Variants in KIAA1328 observed in about 807,000 individuals in gnomAD.
KIAA1328 encodes the protein KIAA1328.
A neutral mutation model predicts 68.1 loss-of-function variants in KIAA1328; 52 were observed. The ratio of observed to expected loss-of-function variants is 0.76; its 90% CI spans 0.61 to 0.96. The LOEUF is 0.96. KIAA1328 is among the 40% of genes least tolerant of loss of function. The pLI, the probability that KIAA1328 is intolerant of heterozygous loss-of-function variation, is 0.00. For synonymous variants in KIAA1328, 232 were observed against 239.4 expected (o/e 0.97, Z 0.28); for missense variants, 641 against 677.6 (o/e 0.95, Z 0.60).
chr18:36,945,546 A>G (rs2050869549), intron 5 of KIAA1328, among the ~76,000 whole-genome samples: 1 of 151,750 alleles, frequency 6.6e-6, no homozygotes, highest in South Asian at 2.1e-4. Flanking sequence ...TTGTATAAGA[A>G]CTCTCCTTTT....
At chr18:37,216,969 CT>C (rs1268734776) in intron 9 of KIAA1328, among the ~76,000 whole-genome samples, 168 of 112,320 alleles carry the variant, frequency 1.5e-3, no homozygotes, top group Non-Finnish European at 2.0e-3. Flanking sequence ...GCAACCCCTG[CT>C]TTTTTTTTGT....
intron 7 of KIAA1328, among the ~76,000 whole-genome samples, chr18:37,153,200 C>T (rs753976697): frequency 6.6e-5 from 10 of 152,126 alleles, no homozygotes; most frequent in Non-Finnish European, 1.2e-4. Flanking sequence ...CATTTAACCA[C>T]GGAACCAGAA....
intron 7 of KIAA1328, among the ~76,000 whole-genome samples, chr18:37,116,320 C>A (rs988054784): frequency 6.6e-6 from 1 of 152,088 alleles, no homozygotes; most frequent in Admixed American, 6.5e-5. Flanking sequence ...GAGATACAGA[C>A]CAATGGAACA....
At chr18:36,839,861 A>G (rs928890954) in intron 3 of KIAA1328, among the ~76,000 whole-genome samples, 1 of 152,126 alleles carries the variant, frequency 6.6e-6, no homozygotes, top group Non-Finnish European at 1.5e-5. Context: ...CTGTTCTCCT[A>G]TGCTGTATTA....
At chr18:36,989,718 G>A (rs2053093038) in intron 6 of KIAA1328, among the ~76,000 whole-genome samples, 1 of 151,558 alleles carries the variant, frequency 6.6e-6, no homozygotes, top group South Asian at 2.1e-4. Context: ...TTTTTGAGAC[G>A]GAGTCTAGCT....
At chr18:36,912,755 G>A (rs947346538) in intron 5 of KIAA1328, among the ~76,000 whole-genome samples, 17 of 152,180 alleles carry the variant, frequency 1.1e-4, no homozygotes, top group East Asian at 3.9e-4. Flanking sequence ...GTTTCGAACC[G>A]TATGAACTCA....
chr18:37,190,070 G>A (rs538434906), intron 9 of KIAA1328, among the ~76,000 whole-genome samples: 3 of 152,060 alleles, frequency 2.0e-5, no homozygotes, highest in Non-Finnish European at 2.9e-5. Flanking sequence ...CCTTATGTTC[G>A]CCATTCTATG....
chr18:36,873,668 C>T (rs1390771621), intron 4 of KIAA1328, among the ~76,000 whole-genome samples: 1 of 151,952 alleles, frequency 6.6e-6, no homozygotes, highest in Non-Finnish European at 1.5e-5. Flanking sequence ...TGTAGATTCC[C>T]CAATTTTTAA....
At position 37,041,068 on chromosome 18, in the gene KIAA1328, T is replaced by A. The variant is rs570767561; in HGVS notation, c.577-25822T>A. On this transcript the variant is annotated intron_variant, in intron 6 of 9. Coordinates refer to ENST00000280020, the MANE Select transcript of KIAA1328 (RefSeq NM_020776.3). ...ATCTATAGATAACAGTTCAGTCAAGTTGATTAGTAGTATTGTTCAAATCTT... is the reference window on the plus strand; with the variant it reads ...ATCTATAGATAACAGTTCAGTCAAGATGATTAGTAGTATTGTTCAAATCTT... Among the ~76,000 whole-genome samples the A allele has an allele frequency of 1.0e-3, 156 of 152,126 alleles. 2 individuals are homozygous for A. The highest frequency in any genetic ancestry group is 3.7e-3 in the African/African-American group (154 of 41,584).
Position 36,829,137 on chromosome 18 carries a change from A to T in KIAA1328, c.-2A>T. 18 of 1,534,224 alleles carry T rather than the reference A, an allele frequency of 1.2e-5. No homozygotes were observed. Among genetic ancestry groups the T allele is most frequent in the Non-Finnish European group, 1.6e-5 (18 of 1,142,268 alleles). ...GACGCCCCGAGTGGCGGTTGTTTCAAGATGGCGGACGTGGCGGGCCCCTCC... is the reference window on the plus strand; with the variant it reads ...GACGCCCCGAGTGGCGGTTGTTTCATGATGGCGGACGTGGCGGGCCCCTCC... On this transcript the variant is annotated 5_prime_UTR_variant, in exon 1 of 10. The change creates a new upstream start codon in the 5' untranslated region. Transcript: ENST00000280020.
At chr18:36,859,848 T>G (rs966988814) in intron 4 of KIAA1328, among the ~76,000 whole-genome samples, 1 of 151,892 alleles carries the variant, frequency 6.6e-6, no homozygotes, top group Non-Finnish European at 1.5e-5. Context: ...GTCCATTTTT[T>G]TTTTTACAGG....
rs913346021 is a variant in KIAA1328, at chr18:37,000,202, T to C, written c.576+40767T>C. Among the ~76,000 whole-genome samples, 3 of 151,866 alleles carry C rather than the reference T, an allele frequency of 2.0e-5. No individual in the cohort carries two copies. In the East Asian group the frequency reaches 5.8e-4, roughly 29 times the overall value. ...AACAGAAACCAAAAGTGAGCAGGAG[T>C]GGCTATACTTGTATCAGATAAAACA... is the stretch of plus-strand genomic sequence containing the variant. On this transcript the variant is annotated intron_variant, in intron 6 of 9. Transcript: ENST00000280020.
At position 36,948,255 on chromosome 18, in the gene KIAA1328, TC is replaced by T. The variant is rs1437128119; in HGVS notation, c.449-11052del. Among the ~76,000 whole-genome samples, 707 of 147,520 alleles carry T rather than the reference TC, an allele frequency of 4.8e-3. 2 individuals are homozygous for T. Among genetic ancestry groups the T allele is most frequent in the Non-Finnish European group, 7.4e-3 (495 of 66,852 alleles). The stretch of plus-strand genomic sequence containing the variant: ...AATGACATGACTTTTTGTTTGTTTG[TC>T]TTTTGTTTTTTTTTTTTTTTTTTTG... On this transcript the variant is annotated intron_variant, in intron 5 of 9. Coordinates refer to ENST00000280020, the MANE Select transcript of KIAA1328 (RefSeq NM_020776.3).
chr18:37,004,434 AAAGTGGGCT>A (rs924419846), intron 6 of KIAA1328, among the ~76,000 whole-genome samples: 14 of 152,148 alleles, frequency 9.2e-5, no homozygotes, highest in African/African-American at 2.2e-4. Flanking sequence ...ATCTCATCAT[AAAGTGGGCT>A]AAGGACATGA....
intron 5 of KIAA1328, among the ~76,000 whole-genome samples, chr18:36,887,763 C>G (rs1414950438): frequency 6.6e-6 from 1 of 152,170 alleles, no homozygotes; most frequent in Non-Finnish European, 1.5e-5. Context: ...GCCCCCAACT[C>G]TGGTAGCAGA....
chr18:37,144,777 G>A (rs2058857678), intron 7 of KIAA1328, among the ~76,000 whole-genome samples: 1 of 152,004 alleles, frequency 6.6e-6, no homozygotes, highest in Non-Finnish European at 1.5e-5. Context: ...TTATCCTCCT[G>A]TCTCCACATC....
At chr18:36,905,963 C>T in intron 5 of KIAA1328, among the ~76,000 whole-genome samples, 1 of 152,144 alleles carries the variant, frequency 6.6e-6, no homozygotes, top group Non-Finnish European at 1.5e-5. Context: ...TGCTCAGTGC[C>T]AGTATAGGTT....
At chr18:37,075,745 C>T (rs1437663946) in intron 7 of KIAA1328, 2 of 152,184 alleles carry the variant, frequency 1.3e-5, no homozygotes, top group Non-Finnish European at 2.9e-5. Flanking sequence ...AAGGCCATTA[C>T]ATAATGGTAA....
chr18:37,111,060 CTT>C (rs2057916238), intron 7 of KIAA1328, among the ~76,000 whole-genome samples: 1 of 152,080 alleles, frequency 6.6e-6, no homozygotes, highest in South Asian at 2.1e-4. Flanking sequence ...GAAAGACTTT[CTT>C]TGTTACGTGG....
Sources: allele counts gnomAD v4.1 joint callset (sites outside exome capture counted in the v4.1 genomes callset), GRCh38; gene constraint gnomAD v4.1.1; transcripts MANE v1.5; gene names NCBI Gene and HGNC (gene_info 2026-07-23, HGNC 2026-07-21).